SYT1: variants seen among roughly 807,000 people sequenced by gnomAD.
SYT1 encodes synaptotagmin 1.
In SYT1, 8 loss-of-function variants were observed where a neutral mutation model predicts 44.8. That is an observed-to-expected ratio of 0.18 (90% CI 0.10 to 0.32). SYT1 has a LOEUF of 0.32. SYT1 is among the 10% of genes least tolerant of loss of function. The pLI is 1.00. For synonymous variants in SYT1, 154 were observed against 188.8 expected (o/e 0.82, Z 1.51); for missense variants, 286 against 509.3 (o/e 0.56, Z 4.22).
chr12:79,251,217 C>T (rs1281928903), intron 4 of SYT1, among the ~76,000 whole-genome samples: 2 of 152,058 alleles, frequency 1.3e-5, no homozygotes, highest in African/African-American at 2.4e-5. Context: ...CTTATATCCA[C>T]CCTTAAAGAA....
intron 3 of SYT1, among the ~76,000 whole-genome samples, chr12:79,136,391 A>G (rs1489559002): frequency 6.6e-6 from 1 of 152,172 alleles, no homozygotes; most frequent in African/African-American, 2.4e-5. Flanking sequence ...TGGAATTGGA[A>G]CCCAATGTAC....
At chr12:79,346,128 C>T (rs1882594530) in intron 8 of SYT1, among the ~76,000 whole-genome samples, 1 of 152,100 alleles carries the variant, frequency 6.6e-6, no homozygotes, top group African/African-American at 2.4e-5. Context: ...TAAAATGAAC[C>T]CATCTTTTTC....
chr12:79,405,317 C>CA (rs1396095960), intron 9 of SYT1, among the ~76,000 whole-genome samples: 1 of 152,034 alleles, frequency 6.6e-6, no homozygotes, highest in Non-Finnish European at 1.5e-5. Context: ...CCCAAAATTC[C>CA]AAACAGGCAG....
At chr12:79,071,443 T>C in intron 3 of SYT1, among the ~76,000 whole-genome samples, 1 of 152,174 alleles carries the variant, frequency 6.6e-6, no homozygotes, top group Non-Finnish European at 1.5e-5. Context: ...TTATTAATAC[T>C]TCTGTGGACA....
chr12:79,196,902 G>A (rs1873496074), intron 3 of SYT1, among the ~76,000 whole-genome samples: 1 of 152,174 alleles, frequency 6.6e-6, no homozygotes, highest in South Asian at 2.1e-4. Context: ...AAATTTTAGA[G>A]GCAGATGCTT....
At chr12:79,241,364 G>A (rs1008713870) in intron 4 of SYT1, among the ~76,000 whole-genome samples, 2 of 151,924 alleles carry the variant, frequency 1.3e-5, no homozygotes, top group Non-Finnish European at 2.9e-5. Flanking sequence ...TCCACCTTCC[G>A]GATTCACGTG....
intron 4 of SYT1, among the ~76,000 whole-genome samples, chr12:79,285,080 A>G (rs1480375782): frequency 1.3e-5 from 2 of 152,176 alleles, no homozygotes; most frequent in African/African-American, 4.8e-5. Context: ...AGAGCCACCG[A>G]ACACATGAGC....
intron 3 of SYT1, among the ~76,000 whole-genome samples, chr12:79,051,223 AT>A (rs1462054122): frequency 1.3e-5 from 2 of 151,536 alleles, no homozygotes; most frequent in Admixed American, 6.6e-5. Flanking sequence ...TGTTTGTCTA[AT>A]CTCTAGTAGT....
chr12:78,864,573 CT>C (rs1179118818), upstream of SYT1: 1 of 152,166 alleles, frequency 6.6e-6, no homozygotes, highest in African/African-American at 2.4e-5. Flanking sequence ...TGGAGAGACA[CT>C]AACAGAACTG....
intron 4 of SYT1, among the ~76,000 whole-genome samples, chr12:79,250,941 T>C (rs902986568): frequency 6.6e-6 from 1 of 152,168 alleles, no homozygotes; most frequent in Non-Finnish European, 1.5e-5. Flanking sequence ...AAGGTTTCCA[T>C]TCAACTAGTG....
intron 2 of SYT1, among the ~76,000 whole-genome samples, chr12:79,013,225 T>G (rs938968667): frequency 4.6e-5 from 7 of 151,488 alleles, no homozygotes; most frequent in Admixed American, 3.3e-4. Flanking sequence ...AATGCAGGGA[T>G]TGTGTGTTGG....
At chr12:79,026,702 T>TATATATATATATATATAAA (rs34140383) in intron 2 of SYT1, among the ~76,000 whole-genome samples, 1 of 125,314 alleles carries the variant, frequency 8.0e-6, no homozygotes, top group African/African-American at 3.0e-5. Context: ...TATATATATA[T>TATATATATATATATATAAA]CACACTTTCA....
chr12:79,260,296 G>A (rs911013844), intron 4 of SYT1, among the ~76,000 whole-genome samples: 11 of 152,062 alleles, frequency 7.2e-5, no homozygotes, highest in African/African-American at 2.7e-4. Flanking sequence ...ACAAACACAT[G>A]CACACACAAC....
intron 1 of SYT1, among the ~76,000 whole-genome samples, chr12:78,879,910 TGGA>T (rs1874365464): frequency 6.6e-6 from 1 of 151,740 alleles, no homozygotes; most frequent in Admixed American, 6.6e-5. Context: ...GTTATGATGT[TGGA>T]GTGCTTTCTT....
At chr12:79,380,503 T>C (rs1330418333) in intron 9 of SYT1, among the ~76,000 whole-genome samples, 1 of 152,144 alleles carries the variant, frequency 6.6e-6, no homozygotes, top group Non-Finnish European at 1.5e-5. Flanking sequence ...GAAACTCCCC[T>C]CTTGCCTCAG....
At chr12:79,090,970 G>A (rs892016607) in intron 3 of SYT1, among the ~76,000 whole-genome samples, 1 of 151,862 alleles carries the variant, frequency 6.6e-6, no homozygotes, top group African/African-American at 2.4e-5. Context: ...ATCTTTCCTA[G>A]ATTCAAATAA....
chr12:79,069,746 A>G (rs1166749588), intron 3 of SYT1, among the ~76,000 whole-genome samples: 1 of 152,136 alleles, frequency 6.6e-6, no homozygotes, highest in Non-Finnish European at 1.5e-5. Context: ...TCTGGATCTC[A>G]GTCCTCTTGG....
At chr12:79,179,462 TATAG>T (rs1872322858) in intron 3 of SYT1, among the ~76,000 whole-genome samples, 2 of 103,790 alleles carry the variant, frequency 1.9e-5, no homozygotes, top group Admixed American at 1.0e-4. Context: ...ATATAATCTA[TATAG>T]ATATAGATAT....
chr12:79,383,701 T>A (rs1313493797), intron 9 of SYT1, among the ~76,000 whole-genome samples: 1 of 152,168 alleles, frequency 6.6e-6, no homozygotes, highest in East Asian at 1.9e-4. Context: ...AATTCTTTCA[T>A]CTTATAGGGA....
Sources: allele counts gnomAD v4.1 joint callset (sites outside exome capture counted in the v4.1 genomes callset), GRCh38; gene constraint gnomAD v4.1.1; transcripts MANE v1.5; gene names NCBI Gene and HGNC (gene_info 2026-07-23, HGNC 2026-07-21).